CDH18: variants seen among roughly 807,000 people sequenced by gnomAD.
CDH18 encodes the protein cadherin-18.
Under a neutral mutation model 67.9 loss-of-function variants are expected in CDH18, and 31 were observed. The ratio of observed to expected loss-of-function variants is 0.46; its 90% CI spans 0.34 to 0.62. The LOEUF (loss-of-function observed/expected upper bound fraction) is 0.62. Among genes scored for constraint, CDH18 ranks in the 20% least tolerant of loss-of-function variants. The pLI is 0.01. For synonymous variants in CDH18, 362 were observed against 347.2 expected, an observed-to-expected ratio of 1.04 and a Z score of -0.48; for missense variants, 890 against 975.5, an observed-to-expected ratio of 0.91 and a Z score of 1.17.
chr5:20,448,268 A>G (rs1235967744), intron 1 of CDH18, among the ~76,000 whole-genome samples: 5 of 148,254 alleles, frequency 3.4e-5, no homozygotes, highest in East Asian at 1.9e-4. Flanking sequence ...CATAGTGTAT[A>G]TGTGCCACAT....
intron 6 of CDH18, among the ~76,000 whole-genome samples, chr5:19,594,892 C>T (rs923114800): frequency 4.6e-5 from 7 of 151,940 alleles, no homozygotes; most frequent in African/African-American, 1.7e-4. Flanking sequence ...CAAGGATGCC[C>T]ACTCTTACCA....
intron 8 of CDH18, among the ~76,000 whole-genome samples, chr5:19,559,602 A>C (rs1398768796): frequency 6.6e-6 from 1 of 152,048 alleles, no homozygotes; most frequent in Admixed American, 6.6e-5. Context: ...GAGAATTGGA[A>C]CAAGTCAAGG....
intron 2 of CDH18, among the ~76,000 whole-genome samples, chr5:20,150,001 CAT>C (rs1253029649): frequency 5.9e-5 from 9 of 151,950 alleles, no homozygotes; most frequent in South Asian, 4.1e-4. Context: ...AAAATGAACA[CAT>C]GTTATAATTA....
At chr5:19,970,988 C>T (rs1332704967) in intron 2 of CDH18, among the ~76,000 whole-genome samples, 1 of 151,590 alleles carries the variant, frequency 6.6e-6, no homozygotes, top group Non-Finnish European at 1.5e-5. Flanking sequence ...TGCAGCAATC[C>T]CATATTTCTT....
At chr5:20,190,044 G>A (rs937044089) in intron 2 of CDH18, among the ~76,000 whole-genome samples, 2 of 152,092 alleles carry the variant, frequency 1.3e-5, no homozygotes, top group Admixed American at 1.3e-4. Flanking sequence ...TCTTTTTGTA[G>A]AGCTTCTGCA....
chr5:19,865,073 T>C (rs1785338841), intron 2 of CDH18, among the ~76,000 whole-genome samples: 1 of 152,168 alleles, frequency 6.6e-6, no homozygotes, highest in Admixed American at 6.6e-5. Flanking sequence ...CTTGTCTTTC[T>C]TTCTGCCCTA....
At chr5:20,484,130 A>T (rs1027439275) in intron 1 of CDH18, among the ~76,000 whole-genome samples, 1 of 152,012 alleles carries the variant, frequency 6.6e-6, no homozygotes, top group African/African-American at 2.4e-5. Flanking sequence ...TCTGAATAGA[A>T]ATTTCTCAAA....
chr5:19,839,454 T>G (rs560906327), intron 2 of CDH18, among the ~76,000 whole-genome samples: 1 of 152,316 alleles, frequency 6.6e-6, no homozygotes, highest in African/African-American at 2.4e-5. Context: ...CAATGACAAA[T>G]ATATGTATAA....
At chr5:19,645,748 C>A (rs899273047) in intron 5 of CDH18, among the ~76,000 whole-genome samples, 1 of 152,050 alleles carries the variant, frequency 6.6e-6, no homozygotes. Context: ...GTGACTCATG[C>A]GACTGCCATT....
At chr5:20,520,993 A>G (rs143132581) in intron 1 of CDH18, among the ~76,000 whole-genome samples, 203 of 152,312 alleles carry the variant, frequency 1.3e-3, no homozygotes, top group African/African-American at 4.6e-3. Flanking sequence ...CTCTCACCAA[A>G]CTGTGTGTTC....
chr5:19,742,734 ACTCTCT>A (rs146611270), intron 4 of CDH18, among the ~76,000 whole-genome samples: 25 of 146,808 alleles, frequency 1.7e-4, no homozygotes, highest in East Asian at 2.0e-4. Context: ...AAGTGCATTT[ACTCTCT>A]CTCTCTCTCT....
chr5:19,676,236 A>G (rs1759472329), intron 5 of CDH18, among the ~76,000 whole-genome samples: 1 of 152,122 alleles, frequency 6.6e-6, no homozygotes, highest in South Asian at 2.1e-4. Flanking sequence ...GCATCCCTGA[A>G]AGAGCAGAGA....
intron 2 of CDH18, among the ~76,000 whole-genome samples, chr5:19,899,623 A>G (rs941388807): frequency 2.6e-5 from 4 of 152,180 alleles, no homozygotes; most frequent in Non-Finnish European, 4.4e-5. Context: ...ACTGAAATCA[A>G]GATCTCAAAG....
Position 19,799,455 on chromosome 5 carries a change from CACACA to C in CDH18, c.228+39299_228+39303del, listed in dbSNP as rs773658704. Among the ~76,000 whole-genome samples, 951 of 151,814 alleles carry C rather than the reference CACACA, an allele frequency of 6.3e-3. 3 individuals are homozygous for C. Among genetic ancestry groups the C allele is most frequent in the South Asian group, 0.012 (58 of 4,806 alleles). ...TTCTCAACACACACACACACACACA[CACACA>C]CACACACACACACCACATACATAAG... On this transcript the variant is annotated intron_variant, in intron 3 of 12. Transcript: ENST00000382275.
intron 11 of CDH18, among the ~76,000 whole-genome samples, chr5:19,494,899 G>C (rs758600867): frequency 1.3e-5 from 2 of 152,124 alleles, no homozygotes; most frequent in Admixed American, 6.5e-5. Context: ...AGAATGAGTT[G>C]GAAATCGATT....
chr5:20,281,593 C>T (rs901548021), intron 1 of CDH18, among the ~76,000 whole-genome samples: 11 of 152,054 alleles, frequency 7.2e-5, no homozygotes, highest in African/African-American at 2.7e-4. Context: ...CAGTACCGTG[C>T]TGTTTTGGTT....
At position 19,616,310 on chromosome 5, in the gene CDH18, T is replaced by TC. The variant is rs199914992; in HGVS notation, c.644-3710dup. On this transcript the variant is annotated intron_variant, in intron 5 of 12. Coordinates refer to ENST00000382275, the MANE Select transcript of CDH18 (RefSeq NM_004934.5). The stretch of plus-strand genomic sequence containing the variant: ...TCACCACACAGATACATACATTGAT[T>TC]CCCCCCCACCCAAATTTTATGCACG... Among the ~76,000 whole-genome samples, 670 of 151,606 alleles carry TC rather than the reference T, an allele frequency of 4.4e-3. 8 individuals are homozygous for TC. The highest frequency in any genetic ancestry group is 0.016 in the African/African-American group (642 of 41,326).
intron 1 of CDH18, among the ~76,000 whole-genome samples, chr5:20,313,435 ATTGT>A (rs761711858): frequency 6.6e-6 from 1 of 151,924 alleles, no homozygotes; most frequent in African/African-American, 2.4e-5. Context: ...AAACATCTTT[ATTGT>A]TTATGTTTTT....
At position 20,054,004 on chromosome 5, in the gene CDH18, C is replaced by A. The variant is rs76576775; in HGVS notation, c.-517-61990G>T. On this transcript the variant is annotated intron_variant, in intron 2 of 14. Coordinates refer to the CDH18 transcript ENST00000507958. ...CCAATCCTACTTCTCCCTTCCTATCCCCAACCCCAAGGAAGTGATCCCAAT... is the reference window on the plus strand; with the variant it reads ...CCAATCCTACTTCTCCCTTCCTATCACCAACCCCAAGGAAGTGATCCCAAT... Among the ~76,000 whole-genome samples, 61 of 152,188 alleles carry A rather than the reference C, an allele frequency of 4.0e-4. No homozygotes were observed. The East Asian group carries it at 0.011, about 28-fold the overall frequency.
Sources: allele counts gnomAD v4.1 joint callset (sites outside exome capture counted in the v4.1 genomes callset), GRCh38; gene constraint gnomAD v4.1.1; transcripts MANE v1.5; gene names NCBI Gene and HGNC (gene_info 2026-07-23, HGNC 2026-07-21).